Variants in KIF26B observed in about 807,000 individuals in gnomAD.
KIF26B encodes the protein kinesin-like protein KIF26B.
KIF26B carries 63 observed loss-of-function variants against 151.2 expected under a neutral mutation model. That is an observed-to-expected ratio of 0.42 (90% confidence interval 0.34 to 0.51). The LOEUF (loss-of-function observed/expected upper bound fraction) is 0.51, where lower values mean the gene tolerates loss of function less well. KIF26B is among the 20% of genes least tolerant of loss of function. The probability of loss-of-function intolerance (pLI) is 0.07; values close to 1 mark genes in which losing one functional copy is unlikely to be tolerated. For synonymous variants in KIF26B, 1,357 were observed against 1,262.1 expected (o/e 1.08, Z -1.59); for missense variants, 2,813 against 2,913.6 (o/e 0.97, Z 0.79).
intron 4 of KIF26B, among the ~76,000 whole-genome samples, chr1:245,481,461 A>G (rs577305574): frequency 1.3e-5 from 2 of 152,052 alleles, no homozygotes; most frequent in South Asian, 4.2e-4. Context: ...TGGGGAAAGG[A>G]GCATGGTGGT....
chr1:245,401,819 T>G (rs1012788499), intron 3 of KIF26B, among the ~76,000 whole-genome samples: 1 of 151,988 alleles, frequency 6.6e-6, no homozygotes, highest in African/African-American at 2.4e-5. Context: ...GCAGTGAGCC[T>G]AGATAGAGCC....
intron 2 of KIF26B, among the ~76,000 whole-genome samples, chr1:245,210,640 C>T (rs1669500993): frequency 6.6e-6 from 1 of 151,100 alleles, no homozygotes; most frequent in Non-Finnish European, 1.5e-5. Context: ...AGAATTGAAG[C>T]TGGAGGGTGA....
At chr1:245,260,290 G>C (rs1017220171) in intron 2 of KIF26B, among the ~76,000 whole-genome samples, 1 of 152,170 alleles carries the variant, frequency 6.6e-6, no homozygotes, top group African/African-American at 2.4e-5. Context: ...GGGCCTTTCT[G>C]TCACTGAAGA....
rs1354274247 is a variant in KIF26B, at chr1:245,698,853, G to A, written c.6028-34G>A. ...CTGTGGTGTGGGCTGGGTGTGAGCA[G>A]AAGGGCCCTTTCTCCTCTCTGTCTG... On this transcript the variant is annotated intron_variant, in intron 13 of 14. Coordinates refer to ENST00000407071, the MANE Select transcript of KIF26B (RefSeq NM_018012.4). The surrounding 1 kb of genome is among the most constrained non-coding windows in gnomAD (Gnocchi z 4.0). 6.2e-7 allele frequency: 1 copy of A among 1,602,836 alleles called. No homozygotes were observed. The highest frequency in any genetic ancestry group is 2.2e-5 in the East Asian group (1 of 44,696).
At chr1:245,484,746 C>T (rs1365262296) in intron 4 of KIF26B, among the ~76,000 whole-genome samples, 2 of 145,398 alleles carry the variant, frequency 1.4e-5, no homozygotes, top group Non-Finnish European at 3.0e-5. Flanking sequence ...TCTCCTCTTC[C>T]TCTTCTTCTT....
At chr1:245,402,785 G>A (rs999833547) in intron 3 of KIF26B, among the ~76,000 whole-genome samples, 8 of 152,246 alleles carry the variant, frequency 5.3e-5, no homozygotes, top group South Asian at 2.1e-4. Context: ...GGCTAAGGCC[G>A]GTCTAGGACA....
intron 2 of KIF26B, among the ~76,000 whole-genome samples, chr1:245,359,894 A>G (rs1032662312): frequency 2.7e-4 from 37 of 135,816 alleles, no homozygotes; most frequent in Admixed American, 7.2e-5. Context: ...TTTTTCTGAG[A>G]CAGGGTCTCA....
intron 3 of KIF26B, among the ~76,000 whole-genome samples, chr1:245,382,779 G>A (rs1276087005): frequency 6.6e-6 from 1 of 151,872 alleles, no homozygotes; most frequent in East Asian, 1.9e-4. Flanking sequence ...TGTTGGTCAG[G>A]CTGGTCTTGA....
At chr1:245,338,569 T>A (rs1672278405) in intron 2 of KIF26B, among the ~76,000 whole-genome samples, 2 of 152,206 alleles carry the variant, frequency 1.3e-5, no homozygotes, top group Admixed American at 1.3e-4. Flanking sequence ...TATACACGAG[T>A]GTGAACACAT....
At position 245,707,822 on chromosome 1, in the gene KIF26B, G is replaced by A. The variant is rs370528872; in HGVS notation, c.*5216G>A. The A allele has an allele frequency of 1.4e-4, 21 of 152,302 alleles. 1 individual carries two copies. In the East Asian group the frequency reaches 2.5e-3, roughly 18 times the overall value. The allele number at this position is 152,302 out of a possible 1,614,324, so 9.4% of individuals were successfully genotyped here. The stretch of plus-strand genomic sequence containing the variant: ...GAAATCCACGCCCACCGGCTTGCAC[G>A]GAAGAGGACTCAGCCTCTTCCTAAT... On this transcript the variant is annotated 3_prime_UTR_variant, in exon 15 of 15. Transcript: ENST00000407071.
Position 245,428,048 on chromosome 1 carries a change from G to A in KIF26B, c.1166+8303G>A, listed in dbSNP as rs985733015. On this transcript the variant is annotated intron_variant, in intron 4 of 14. Coordinates refer to ENST00000407071, the MANE Select transcript of KIF26B (RefSeq NM_018012.4). ...TCCTCCTTGGATGCAGGTAATGTCT[G>A]GGCTCATGTTGTCCTGGCCGGCCCT... Among the ~76,000 whole-genome samples the A allele has an allele frequency of 2.6e-5, 4 of 152,174 alleles. No homozygotes were observed. The East Asian group carries it at 5.8e-4, about 22-fold the overall frequency.
chr1:245,619,686 G>T (rs1386846082), intron 9 of KIF26B, among the ~76,000 whole-genome samples: 1 of 151,816 alleles, frequency 6.6e-6, no homozygotes, highest in African/African-American at 2.4e-5. Context: ...GCTGAGGCCG[G>T]AGGATCACTT....
In KIF26B at chr1:245,705,743, C is replaced by T. The variant is rs1293033640; in HGVS notation, c.*3137C>T. The T allele has an allele frequency of 6.6e-6, 1 of 152,142 alleles. No individual in the cohort carries two copies. Among genetic ancestry groups the T allele is most frequent in the African/African-American group, 2.4e-5 (1 of 41,420 alleles). The allele number at this position is 152,142 out of a possible 1,614,324, so 9.4% of individuals were successfully genotyped here. ...AGAACGGGCGGTGGTGCTATTGTGT[C>T]CCTGGGAGTCACTCCACGTCGCATT... On this transcript the variant is annotated 3_prime_UTR_variant, in exon 15 of 15. Coordinates refer to ENST00000407071, the MANE Select transcript of KIF26B (RefSeq NM_018012.4).
chr1:245,590,030 T>C (rs77737063), intron 5 of KIF26B, among the ~76,000 whole-genome samples: 186 of 152,156 alleles, frequency 1.2e-3, no homozygotes, highest in African/African-American at 4.1e-3. Context: ...CTTGACTGTT[T>C]GCTATTTAAC....
Position 245,166,809 on chromosome 1 carries a change from C to G in KIF26B, c.465+10126C>G, listed in dbSNP as rs535296336. On this transcript the variant is annotated intron_variant, in intron 2 of 14. Transcript: ENST00000407071. The surrounding 1 kb of genome is among the most constrained non-coding windows in gnomAD (Gnocchi z 4.5). ...TGGGAATAAAGAAGTCACCCTCCCCCACCAAGCAGGATATCCTGCACATAC... is the reference window on the plus strand; with the variant it reads ...TGGGAATAAAGAAGTCACCCTCCCCGACCAAGCAGGATATCCTGCACATAC... Among the ~76,000 whole-genome samples, 10 of 152,174 alleles carry G rather than the reference C, an allele frequency of 6.6e-5. No individual in the cohort carries two copies. The highest frequency in any genetic ancestry group is 2.4e-4 in the African/African-American group (10 of 41,434).
At chr1:245,490,860 C>A (rs532036431) in intron 4 of KIF26B, among the ~76,000 whole-genome samples, 21 of 152,284 alleles carry the variant, frequency 1.4e-4, no homozygotes, top group African/African-American at 4.8e-4. Context: ...GTGAACCTGT[C>A]TATCAAGAAT....
At chr1:245,309,888 ATC>A (rs1671633414) in intron 2 of KIF26B, among the ~76,000 whole-genome samples, 2 of 146,312 alleles carry the variant, frequency 1.4e-5, no homozygotes, top group East Asian at 3.9e-4. Context: ...ATAAATATAT[ATC>A]TCACTATATA....
At chr1:245,311,866 G>T (rs1671672221) in intron 2 of KIF26B, among the ~76,000 whole-genome samples, 1 of 152,176 alleles carries the variant, frequency 6.6e-6, no homozygotes, top group African/African-American at 2.4e-5. Context: ...GGAGACAGAG[G>T]TTGCAGTGAG....
At chr1:245,220,901 A>G (rs998625653) in intron 2 of KIF26B, among the ~76,000 whole-genome samples, 7 of 152,020 alleles carry the variant, frequency 4.6e-5, no homozygotes, top group African/African-American at 1.7e-4. Flanking sequence ...CCTCAGTTTT[A>G]TCTGCAGGAT....
Sources: allele counts gnomAD v4.1 joint callset (sites outside exome capture counted in the v4.1 genomes callset), GRCh38; gene constraint gnomAD v4.1.1; non-coding constraint Gnocchi (gnomAD v3.1); transcripts MANE v1.5; gene names NCBI Gene and HGNC (gene_info 2026-07-23, HGNC 2026-07-21).